The following BDH1 variants were observed in gnomAD, a reference collection of about 807,000 sequenced individuals.
BDH1 encodes the protein D-beta-hydroxybutyrate dehydrogenase, mitochondrial.
BDH1 carries 30 observed loss-of-function variants against 33.1 expected under a neutral mutation model. That is an observed-to-expected ratio of 0.91 (90% CI 0.68 to 1.23). The LOEUF (loss-of-function observed/expected upper bound fraction) is 1.23. Ranked by LOEUF, BDH1 falls within the 50% of genes most tolerant of loss-of-function variation. BDH1 has a pLI of 0.00. For synonymous variants in BDH1, 190 were observed against 183.6 expected (o/e 1.03, Z -0.28); for missense variants, 443 against 464.4 (o/e 0.95, Z 0.42).
chr3:197,560,197 T>A (rs1378034987), upstream of BDH1, among the ~76,000 whole-genome samples: 1 of 152,212 alleles, frequency 6.6e-6, no homozygotes, highest in East Asian at 1.9e-4. Flanking sequence ...GTAACTTCTC[T>A]TAGAAGCAAA....
chr3:197,510,714 T>C lies in BDH1; in HGVS notation c.*1181A>G, dbSNP rs915586753. 1 of 124,138 alleles carries C rather than the reference T, an allele frequency of 8.1e-6. No homozygotes were observed. The highest frequency in any genetic ancestry group is 3.4e-5 in the African/African-American group (1 of 29,022). 7.7% of individuals were successfully genotyped at this position (124,138 alleles called of 1,614,324 possible). A position where few individuals can be genotyped will look rare whatever the true frequency, so the allele number is the denominator to read the frequency against. On this transcript the variant is annotated 3_prime_UTR_variant, in exon 8 of 8. Coordinates refer to ENST00000392379, the MANE Select transcript of BDH1 (RefSeq NM_203314.3). ...GTGTGTGTGTGTGTGTGTGTGTGTG[T>C]GTGTACATGTGTGTAAGCACCACGT...
intron 1 of BDH1, among the ~76,000 whole-genome samples, chr3:197,566,790 G>A (rs183527557): frequency 6.6e-6 from 1 of 151,976 alleles, no homozygotes; most frequent in Non-Finnish European, 1.5e-5. Context: ...ATTTTTCTTG[G>A]CTCCAAGTCT....
chr3:197,520,878 A>C lies in BDH1; in HGVS notation c.409+1762T>G, dbSNP rs1713470124. Among the ~76,000 whole-genome samples the C allele has an allele frequency of 6.6e-6, 1 of 152,190 alleles. No homozygotes were observed. The highest frequency in any genetic ancestry group is 1.5e-5 in the Non-Finnish European group (1 of 68,040). On this transcript the variant is annotated intron_variant, in intron 6 of 7. Coordinates refer to ENST00000392379, the MANE Select transcript of BDH1 (RefSeq NM_203314.3). The surrounding 1 kb of genome is among the most constrained non-coding windows in gnomAD (Gnocchi z 6.0). The stretch of plus-strand genomic sequence containing the variant: ...CCTGTTAATTATTAAACAGATGTTC[A>C]GCGAGAACAGAGAACAGAGAGGCCT...
chr3:197,533,532 A>C lies in BDH1; in HGVS notation c.113T>G (p.Phe38Cys), dbSNP rs1266105254. Residue 38 changes from phenylalanine to cysteine, a missense_variant, in exon 4 of 8, where the codon TTT (phenylalanine) becomes TGT (cysteine). Physicochemically the swap from Phe to Cys is radical, Grantham distance 205 (BLOSUM62 -2). Transcript: ENST00000392379. ...RRPLLLGSTS[F>C]IPIGRRTYAS... is the part of the protein sequence containing the mutation. ...ATAAGTCCGACGGCCAATCGGGATA[A>C]AGGAAGTAGAACCAAGCAATAGTGG... 1 of 1,614,234 alleles carries C rather than the reference A, an allele frequency of 6.2e-7. No homozygotes were observed. The highest frequency in any genetic ancestry group is 1.3e-5 in the African/African-American group (1 of 75,068).
rs1385863167 is a variant in BDH1, at chr3:197,521,959, A to G, written c.409+681T>C. Among the ~76,000 whole-genome samples, 1 of 152,054 alleles carries G rather than the reference A, an allele frequency of 6.6e-6. No homozygotes were observed. The highest frequency in any genetic ancestry group is 2.4e-5 in the African/African-American group (1 of 41,400). On this transcript the variant is annotated intron_variant, in intron 6 of 7. Coordinates refer to ENST00000392379, the MANE Select transcript of BDH1 (RefSeq NM_203314.3). This position sits in a 1 kb window ranked among gnomAD's most constrained non-coding sequence, Gnocchi z 4.9. Reference sequence around the variant, plus strand: ...CCCCAGTGCCATTGGGAGACCAGCCATGTTCCCTCGCCTGGGATCCAAGAC... The same window carrying G: ...CCCCAGTGCCATTGGGAGACCAGCCGTGTTCCCTCGCCTGGGATCCAAGAC...
In BDH1 at chr3:197,525,034, G is replaced by A. The variant is rs1400457147; in HGVS notation, c.268-2253C>T. Among the ~76,000 whole-genome samples the A allele has an allele frequency of 6.6e-6, 1 of 152,136 alleles. No individual in the cohort carries two copies. Among genetic ancestry groups the A allele is most frequent in the Non-Finnish European group, 1.5e-5 (1 of 68,014 alleles). ...TTTGGCTCTGAAATCCCCTAGGTGC[G>A]CCGACCTTCCCAAACAAGACGCAGG... On this transcript the variant is annotated intron_variant, in intron 5 of 7. Coordinates refer to ENST00000392379, the MANE Select transcript of BDH1 (RefSeq NM_203314.3). This position sits in a 1 kb window ranked among gnomAD's most constrained non-coding sequence, Gnocchi z 4.9.
At position 197,554,146 on chromosome 3, in the gene BDH1, G is replaced by A. The variant is rs947274792; in HGVS notation, c.-44+416C>T. Among the ~76,000 whole-genome samples the A allele has an allele frequency of 3.9e-5, 6 of 152,178 alleles. No individual in the cohort carries two copies. Among genetic ancestry groups the A allele is most frequent in the African/African-American group, 1.2e-4 (5 of 41,426 alleles). On this transcript the variant is annotated intron_variant, in intron 2 of 7. Coordinates refer to ENST00000392379, the MANE Select transcript of BDH1 (RefSeq NM_203314.3). The surrounding 1 kb of genome is among the most constrained non-coding windows in gnomAD (Gnocchi z 4.4). Reference sequence around the variant, plus strand: ...ATCCTATACCAAACTGACTGCATCTGACCAAGTCCTAGCTGGTTCAGATAA... The same window carrying A: ...ATCCTATACCAAACTGACTGCATCTAACCAAGTCCTAGCTGGTTCAGATAA...
chr3:197,562,514 C>T (rs1480917453), intron 1 of BDH1, among the ~76,000 whole-genome samples: 2 of 152,114 alleles, frequency 1.3e-5, no homozygotes, highest in Non-Finnish European at 2.9e-5. Flanking sequence ...CATGCAGTGG[C>T]CCTGCAGGGA....
chr3:197,558,729 A>G (rs1382896369), upstream of BDH1, among the ~76,000 whole-genome samples: 1 of 152,214 alleles, frequency 6.6e-6, no homozygotes, highest in Non-Finnish European at 1.5e-5. Context: ...CTGGACTCCA[A>G]ACACATAGAA....
intron 5 of BDH1, chr3:197,529,787 T>C (rs1026474911): frequency 2.0e-5 from 3 of 152,208 alleles, no homozygotes; most frequent in African/African-American, 2.4e-5. Flanking sequence ...AAATTTTACG[T>C]TGGGTATCAA....
At chr3:197,547,299 C>A (rs545659171) in intron 2 of BDH1, among the ~76,000 whole-genome samples, 3 of 152,206 alleles carry the variant, frequency 2.0e-5, no homozygotes, top group African/African-American at 7.2e-5. Context: ...GGAAGGAAGG[C>A]GGGCTGGTAA....
chr3:197,517,305 C>T (rs4857503), intron 6 of BDH1, among the ~76,000 whole-genome samples: 17,682 of 73,444 alleles, frequency 0.24, 3,613 homozygotes, highest in African/African-American at 0.52. Context: ...GGCCGACCCC[C>T]GCATCAGTCA....
chr3:197,525,055 G>A lies in BDH1; in HGVS notation c.268-2274C>T, dbSNP rs181217145. 3.3e-4 allele frequency among the ~76,000 whole-genome samples: 51 copies of A among 152,292 alleles called. No homozygotes were observed. Among genetic ancestry groups the A allele is most frequent in the African/African-American group, 1.1e-3 (44 of 41,566 alleles). The stretch of plus-strand genomic sequence containing the variant: ...GTGCGCCGACCTTCCCAAACAAGAC[G>A]CAGGCATGAGATGCACGGGACAGAT... On this transcript the variant is annotated intron_variant, in intron 5 of 7. Coordinates refer to ENST00000392379, the MANE Select transcript of BDH1 (RefSeq NM_203314.3). The surrounding 1 kb of genome is among the most constrained non-coding windows in gnomAD (Gnocchi z 4.9).
At chr3:197,538,984 C>G (rs1373353855) in intron 3 of BDH1, 1 of 152,286 alleles carries the variant, frequency 6.6e-6, no homozygotes, top group Non-Finnish European at 1.5e-5. Context: ...GTCATTGAAA[C>G]CACCATTGCA....
intron 3 of BDH1, 192 bp from the exon 4 acceptor site, chr3:197,533,753 A>G (rs1192842864): frequency 1.7e-6 from 1 of 591,710 alleles, no homozygotes; most frequent in Non-Finnish European, 3.0e-6. Context: ...TGCTATGGCT[A>G]TGTTTGCCAC....
intron 4 of BDH1, 92 bp from the exon 5 acceptor site, chr3:197,532,614 G>T: frequency 1.1e-6 from 1 of 906,472 alleles, no homozygotes; most frequent in Non-Finnish European, 1.8e-6. Context: ...GAGAGTTAGT[G>T]CTTCCTGAGT....
In BDH1 at chr3:197,543,118, C is replaced by A. The variant is rs114439885; in HGVS notation, c.83+3243G>T. On this transcript the variant is annotated intron_variant, in intron 3 of 7. Transcript: ENST00000392379. ...CCCCATCAGGAATCAGAAACAATAA[C>A]CAGTAACCCAGCTTTCTGCTGAGAG... The A allele has an allele frequency of 1.2e-3, 1,165 of 985,354 alleles. 14 individuals carry two copies. In the African/African-American group the frequency reaches 0.019, roughly 16 times the overall value. The allele number at this position is 985,354 out of a possible 1,614,324, so 61.0% of individuals were successfully genotyped here. A position where few individuals can be genotyped will look rare whatever the true frequency, so the allele number is the denominator to read the frequency against.
chr3:197,558,465 C>T (rs1052122406), upstream of BDH1, among the ~76,000 whole-genome samples: 7 of 152,090 alleles, frequency 4.6e-5, no homozygotes, highest in Admixed American at 3.3e-4. Context: ...TAGTAGTGAC[C>T]GACTTGATCA....
intron 3 of BDH1, among the ~76,000 whole-genome samples, chr3:197,541,787 C>A (rs778715658): frequency 2.6e-5 from 4 of 152,154 alleles, no homozygotes; most frequent in Non-Finnish European, 5.9e-5. Flanking sequence ...AGGTTCAATA[C>A]CACTGCCCTA....
Sources: gnomAD v4.1 joint callset for allele counts (sites outside exome capture counted in the v4.1 genomes callset) on GRCh38, gnomAD v4.1.1 for gene constraint, Gnocchi (gnomAD v3.1) non-coding constraint, MANE v1.5 for transcripts, NCBI Gene and HGNC (gene_info 2026-07-23, HGNC 2026-07-21) for gene names.